The following ZNF75D variants were observed in gnomAD, a reference collection of about 807,000 sequenced individuals.
ZNF75D encodes the protein zinc finger protein 75D.
Under a neutral mutation model 33.3 loss-of-function variants are expected in ZNF75D, and 33 were observed. The ratio of observed to expected loss-of-function variants is 0.99; its 90% confidence interval spans 0.75 to 1.32. The LOEUF (loss-of-function observed/expected upper bound fraction) is 1.32. Among genes scored for constraint, ZNF75D ranks in the 40% most tolerant of loss-of-function variants. ZNF75D has a pLI of 0.00. For synonymous variants in ZNF75D, 113 were observed against 130.6 expected (o/e 0.87, Z 0.92); for missense variants, 338 against 367.5 (o/e 0.92, Z 0.66).
chrX:135,263,135 C>T lies in ZNF75D; in HGVS notation n.828-7358G>A, dbSNP rs1158782179. 2.7e-5 allele frequency among the ~76,000 whole-genome samples: 3 copies of T among 112,753 alleles called. No homozygotes were observed. The Admixed American group carries it at 2.8e-4, about 11-fold the overall frequency. On this transcript the variant is annotated intron_variant and non_coding_transcript_variant, in intron 1 of 3. Coordinates refer to the ZNF75D transcript ENST00000494295. Reference sequence around the variant, plus strand: ...GGTATCACCAGCGGAGGCTGAAGAACAGCAAATATTTCAGAACAGCAAATA... The same window carrying T: ...GGTATCACCAGCGGAGGCTGAAGAATAGCAAATATTTCAGAACAGCAAATA...
At chrX:135,271,179 T>A (rs899500013) in intron 1 of ZNF75D, among the ~76,000 whole-genome samples, 24 of 111,808 alleles carry the variant, frequency 2.1e-4, no homozygotes, top group African/African-American at 7.5e-4. Context: ...ATGGTAAGAC[T>A]GGTAGATTTC....
At chrX:135,278,836 A>G (rs2083909674) in intron 1 of ZNF75D, among the ~76,000 whole-genome samples, 1 of 112,021 alleles carries the variant, frequency 8.9e-6, no homozygotes, top group Non-Finnish European at 1.9e-5. Flanking sequence ...CCAGGGATGA[A>G]GCTGACTTGA....
rs188815742 is a variant in ZNF75D, at chrX:135,305,703, G to A, written c.-390-9664C>T. ...ATTTAGGGCTGCAGGGCTTCTCCACGTGCCCACTCAGCCGTCCTTCCACCT... is the reference window on the plus strand; with the variant it reads ...ATTTAGGGCTGCAGGGCTTCTCCACATGCCCACTCAGCCGTCCTTCCACCT... On this transcript the variant is annotated intron_variant, in intron 1 of 6. Coordinates refer to ENST00000370766, the MANE Select transcript of ZNF75D (RefSeq NM_007131.5). Among the ~76,000 whole-genome samples, 317 of 110,783 alleles carry A rather than the reference G, an allele frequency of 2.9e-3. 1 individual carries two copies. The highest frequency in any genetic ancestry group is 0.014 in the Middle Eastern group (3 of 216).
intron 1 of ZNF75D, among the ~76,000 whole-genome samples, chrX:135,331,653 C>G (rs943576139): frequency 1.8e-5 from 2 of 111,396 alleles, no homozygotes; most frequent in Non-Finnish European, 3.8e-5. Context: ...GCAAAATAAG[C>G]CTGCAAGCAG....
intron 1 of ZNF75D, among the ~76,000 whole-genome samples, chrX:135,322,000 G>T (rs1176320585): frequency 2.7e-5 from 3 of 112,017 alleles, no homozygotes; most frequent in Non-Finnish European, 5.6e-5. Context: ...GTGCTTAATT[G>T]CTTTCTACTC....
At chrX:135,340,364 G>A (rs782375803) in intron 1 of ZNF75D, among the ~76,000 whole-genome samples, 17 of 111,411 alleles carry the variant, frequency 1.5e-4, no homozygotes, top group African/African-American at 3.3e-4. Context: ...TATATTCCTC[G>A]ATTCCAAATC....
downstream of ZNF75D, among the ~76,000 whole-genome samples, chrX:135,283,664 C>G (rs1281931156): frequency 8.9e-6 from 1 of 111,951 alleles, no homozygotes; most frequent in Non-Finnish European, 1.9e-5. Context: ...TTGGGCCCCT[C>G]CTCCTCTCCT....
intron 1 of ZNF75D, among the ~76,000 whole-genome samples, chrX:135,334,951 CTT>C (rs1367492602): frequency 5.4e-5 from 6 of 111,222 alleles, no homozygotes; most frequent in Admixed American, 1.9e-4. Flanking sequence ...ATCTTTACCT[CTT>C]TACCTTCCCT....
intron 1 of ZNF75D, among the ~76,000 whole-genome samples, chrX:135,280,242 CTTCT>C (rs1556418294): frequency 3.6e-5 from 4 of 111,879 alleles, no homozygotes; most frequent in African/African-American, 1.3e-4. Flanking sequence ...ATGTAACGCC[CTTCT>C]TTGTCTTTTT....
At chrX:135,293,433 T>C (rs2084077066) in intron 3 of ZNF75D, among the ~76,000 whole-genome samples, 1 of 111,696 alleles carries the variant, frequency 9.0e-6, no homozygotes, top group South Asian at 3.7e-4. Context: ...TTTCTCTTTT[T>C]CTAAGAACTC....
At chrX:135,260,382 T>C (rs977772647) in intron 1 of ZNF75D, among the ~76,000 whole-genome samples, 1 of 112,066 alleles carries the variant, frequency 8.9e-6, no homozygotes, top group Non-Finnish European at 1.9e-5. Context: ...CCAGCTCCTC[T>C]TTGTACCTCT....
chrX:135,259,205 G>A (rs979495353), intron 1 of ZNF75D, among the ~76,000 whole-genome samples: 1 of 111,800 alleles, frequency 8.9e-6, no homozygotes, highest in Admixed American at 9.5e-5. Context: ...TAGCCCTGTA[G>A]TACACTTTGA....
intron 6 of ZNF75D, among the ~76,000 whole-genome samples, chrX:135,289,611 GACACACACACACACAGAC>G (rs1160520833): frequency 3.8e-4 from 31 of 82,096 alleles, no homozygotes; most frequent in African/African-American, 1.3e-3. Flanking sequence ...GTGAGACTCT[GACACACACACACACAGAC>G]ACACACACAC....
At chrX:135,324,400 C>G (rs1602650103) in intron 1 of ZNF75D, among the ~76,000 whole-genome samples, 1 of 112,407 alleles carries the variant, frequency 8.9e-6, no homozygotes, top group East Asian at 2.8e-4. Flanking sequence ...GAGACATTGT[C>G]TTATTATGTG....
chrX:135,338,825 G>C (rs1376414530), intron 1 of ZNF75D, among the ~76,000 whole-genome samples: 1 of 108,158 alleles, frequency 9.2e-6, no homozygotes, highest in African/African-American at 3.4e-5. Context: ...CCTTATGAAG[G>C]CTGCCCTGTC....
intron 1 of ZNF75D, among the ~76,000 whole-genome samples, chrX:135,333,106 CAGAG>C (rs1242099828): frequency 9.2e-6 from 1 of 108,761 alleles, no homozygotes; most frequent in African/African-American, 3.3e-5. Flanking sequence ...GAGAGAGAGG[CAGAG>C]AGAGAGAGAG....
chrX:135,282,477 C>A (rs1380795849), downstream of ZNF75D, among the ~76,000 whole-genome samples: 1 of 111,442 alleles, frequency 9.0e-6, no homozygotes, highest in Non-Finnish European at 1.9e-5. Flanking sequence ...CTGGCTTCAG[C>A]CCCCTTTCCA....
chrX:135,295,981 C>T lies in ZNF75D; in HGVS notation c.-332G>A, dbSNP rs1556422845. Reference sequence around the variant, plus strand: ...TGGAATATCAGTTCCCTCATTCGATCCCTCCACCTCCCGAAGACCTGACCC... The same window carrying T: ...TGGAATATCAGTTCCCTCATTCGATTCCTCCACCTCCCGAAGACCTGACCC... On this transcript the variant is annotated 5_prime_UTR_variant, in exon 2 of 7. Transcript: ENST00000370766. 9.0e-6 allele frequency: 1 copy of T among 110,989 alleles called. No individual in the cohort carries two copies. The highest frequency in any genetic ancestry group is 3.3e-5 in the African/African-American group (1 of 30,475). 9.1% of individuals were successfully genotyped at this position (110,989 alleles called of 1,213,427 possible).
intron 1 of ZNF75D, among the ~76,000 whole-genome samples, chrX:135,256,736 A>G (rs2083802796): frequency 9.0e-6 from 1 of 111,259 alleles, no homozygotes; most frequent in East Asian, 2.8e-4. Flanking sequence ...ACGTCCCCTT[A>G]CTTCTGCTTA....
Sources: allele counts gnomAD v4.1 joint callset (sites outside exome capture counted in the v4.1 genomes callset), GRCh38; gene constraint gnomAD v4.1.1; transcripts MANE v1.5; gene names NCBI Gene and HGNC (gene_info 2026-07-23, HGNC 2026-07-21).